The following ARL15 variants were observed in gnomAD, a reference collection of about 807,000 sequenced individuals.
ARL15 encodes the protein ADP-ribosylation factor-like protein 15.
Under a neutral mutation model 25.2 loss-of-function variants are expected in ARL15, and 19 were observed. The observed-to-expected ratio is 0.75, with a 90% CI of 0.53 to 1.10. The LOEUF is 1.10. Among genes scored for constraint, ARL15 ranks in the 50% least tolerant of loss-of-function variants. The probability of loss-of-function intolerance (pLI) is 0.00; values close to 1 mark genes in which losing one functional copy is unlikely to be tolerated. For missense variants in ARL15, 220 were observed against 246.0 expected, an observed-to-expected ratio of 0.89 and a Z score of 0.71; for synonymous variants, 94 against 86.8, an observed-to-expected ratio of 1.08 and a Z score of -0.46.
chr5:54,194,606 T>G (rs753792415), intron 1 of ARL15, among the ~76,000 whole-genome samples: 1 of 152,064 alleles, frequency 6.6e-6, no homozygotes, highest in African/African-American at 2.4e-5. Context: ...CCACCTAATA[T>G]GAAAAATCTA....
chr5:54,296,949 T>C (rs1236688554), intron 1 of ARL15, among the ~76,000 whole-genome samples: 2 of 152,182 alleles, frequency 1.3e-5, no homozygotes, highest in African/African-American at 4.8e-5. Context: ...TAGTGTGAGA[T>C]GGGCTTATTG....
At chr5:53,900,785 C>T (rs962311435) in intron 4 of ARL15, among the ~76,000 whole-genome samples, 1 of 152,100 alleles carries the variant, frequency 6.6e-6, no homozygotes, top group African/African-American at 2.4e-5. Flanking sequence ...TGGGATTTTA[C>T]ATGAAGAGTT....
intron 4 of ARL15, among the ~76,000 whole-genome samples, chr5:54,064,810 C>T (rs1459058310): frequency 6.6e-6 from 1 of 151,750 alleles, no homozygotes; most frequent in Non-Finnish European, 1.5e-5. Flanking sequence ...GGGGTTTGAA[C>T]TGTCTGAGTC....
At chr5:54,031,026 C>T (rs1467848266) in intron 4 of ARL15, among the ~76,000 whole-genome samples, 2 of 152,104 alleles carry the variant, frequency 1.3e-5, no homozygotes, top group East Asian at 3.9e-4. Context: ...TATTTCTATA[C>T]ACGTGGAAGC....
intron 4 of ARL15, among the ~76,000 whole-genome samples, chr5:53,947,209 T>C (rs1245239900): frequency 1.4e-5 from 2 of 147,936 alleles, no homozygotes; most frequent in Non-Finnish European, 3.0e-5. Flanking sequence ...TGTGTGTGTG[T>C]GTGTGTGTGT....
At chr5:54,116,505 C>T (rs1752903124) in intron 3 of ARL15, among the ~76,000 whole-genome samples, 1 of 152,190 alleles carries the variant, frequency 6.6e-6, no homozygotes, top group African/African-American at 2.4e-5. Flanking sequence ...ATTTCACTAA[C>T]ATGAAGGATG....
intron 1 of ARL15, among the ~76,000 whole-genome samples, chr5:54,218,017 G>A (rs1398518889): frequency 2.0e-5 from 3 of 152,108 alleles, no homozygotes; most frequent in Non-Finnish European, 4.4e-5. Context: ...ATGTTAGGCA[G>A]TATTTGCAGG....
At chr5:53,925,898 G>A (rs1746002941) in intron 4 of ARL15, among the ~76,000 whole-genome samples, 1 of 151,390 alleles carries the variant, frequency 6.6e-6, no homozygotes, top group African/African-American at 2.4e-5. Flanking sequence ...ACTTAAATAT[G>A]TATCGTAAAC....
chr5:54,270,371 A>G (rs1235390895), intron 1 of ARL15, among the ~76,000 whole-genome samples: 1 of 152,164 alleles, frequency 6.6e-6, no homozygotes, highest in African/African-American at 2.4e-5. Context: ...CTAACTGAAA[A>G]TAGAGTAGTC....
At chr5:54,030,239 A>G (rs1749934156) in intron 4 of ARL15, among the ~76,000 whole-genome samples, 1 of 152,142 alleles carries the variant, frequency 6.6e-6, no homozygotes, top group Admixed American at 6.5e-5. Context: ...CGACAAGCAA[A>G]GCCAAAGCAG....
chr5:53,974,943 G>A (rs1245440073), intron 4 of ARL15, among the ~76,000 whole-genome samples: 7 of 152,026 alleles, frequency 4.6e-5, no homozygotes, highest in Non-Finnish European at 8.8e-5. Context: ...GAAGGTGAGC[G>A]GCAACAGTAT....
At chr5:53,994,980 A>G (rs1748622466) in intron 4 of ARL15, among the ~76,000 whole-genome samples, 1 of 152,096 alleles carries the variant, frequency 6.6e-6, no homozygotes, top group Non-Finnish European at 1.5e-5. Context: ...TGGTCTAAAC[A>G]TCTACTTTTC....
intron 1 of ARL15, among the ~76,000 whole-genome samples, chr5:54,190,839 C>T (rs1485872242): frequency 6.6e-6 from 1 of 152,106 alleles, no homozygotes; most frequent in Non-Finnish European, 1.5e-5. Flanking sequence ...GAAATTAGAA[C>T]CCTTGTACAC....
At position 53,991,555 on chromosome 5, in the gene ARL15, A is replaced by C. The variant is rs1287758102; in HGVS notation, c.463-104842T>G. On this transcript the variant is annotated intron_variant, in intron 4 of 4. Coordinates refer to ENST00000504924, the MANE Select transcript of ARL15 (RefSeq NM_019087.3). ...GAAACTCCATCTCAAAAAAAAAAAA[A>C]AAAAAAGGGGGGGCGGGGGGCAATT... 7.7e-5 allele frequency among the ~76,000 whole-genome samples: 11 copies of C among 143,240 alleles called. 1 individual carries two copies. Among genetic ancestry groups the C allele is most frequent in the Admixed American group, 5.7e-4 (8 of 14,158 alleles). The allele number at this position is 143,240 out of a possible 152,430, so 94.0% of individuals were successfully genotyped here.
At chr5:54,081,861 G>A (rs59547873) in intron 4 of ARL15, among the ~76,000 whole-genome samples, 11,730 of 152,066 alleles carry the variant, frequency 0.077, 554 homozygotes, top group Middle Eastern at 0.11. Context: ...GTAGGTCAAG[G>A]TGGGCAGACC....
chr5:54,029,345 C>CACT (rs1749896579), intron 4 of ARL15, among the ~76,000 whole-genome samples: 1 of 141,658 alleles, frequency 7.1e-6, no homozygotes, highest in Admixed American at 7.1e-5. Context: ...CCACCACCAC[C>CACT]ACCACCACCA....
chr5:54,269,371 T>C (rs1346070699), intron 1 of ARL15, among the ~76,000 whole-genome samples: 1 of 152,126 alleles, frequency 6.6e-6, no homozygotes, highest in Non-Finnish European at 1.5e-5. Context: ...CTTTTACTGA[T>C]CACTCTATCA....
At chr5:54,240,159 G>A (rs573396099) in intron 1 of ARL15, among the ~76,000 whole-genome samples, 114 of 151,308 alleles carry the variant, frequency 7.5e-4, no homozygotes, top group Admixed American at 1.6e-3. Flanking sequence ...CCCGGGAGGC[G>A]GAGCTTGCAG....
chr5:53,983,501 T>C (rs1175238977), intron 4 of ARL15, among the ~76,000 whole-genome samples: 3 of 152,166 alleles, frequency 2.0e-5, no homozygotes, highest in Admixed American at 2.0e-4. Context: ...ACTTTCAGCC[T>C]TCCATTCTCT....
Sources: allele counts gnomAD v4.1 joint callset (sites outside exome capture counted in the v4.1 genomes callset), GRCh38; gene constraint gnomAD v4.1.1; transcripts MANE v1.5; gene names NCBI Gene and HGNC (gene_info 2026-07-23, HGNC 2026-07-21).